TFRC: variants seen among roughly 807,000 people sequenced by gnomAD.
TFRC encodes the protein transferrin receptor protein 1.
A neutral mutation model predicts 85.8 loss-of-function variants in TFRC; 35 were observed. The ratio of observed to expected loss-of-function variants is 0.41; its 90% CI spans 0.31 to 0.54. The LOEUF (loss-of-function observed/expected upper bound fraction) is 0.54, where lower values mean the gene tolerates loss of function less well. Among genes scored for constraint, TFRC ranks in the 20% least tolerant of loss-of-function variants. The probability of loss-of-function intolerance (pLI) is 0.31; values close to 1 mark genes in which losing one functional copy is unlikely to be tolerated. For missense variants in TFRC, 828 were observed against 921.5 expected (o/e 0.90, Z 1.31); for synonymous variants, 362 against 328.6 (o/e 1.10, Z -1.10).
rs199951786 is a variant in TFRC, at chr3:196,062,644, C to T, written c.1406G>A (p.Gly469Glu). 1.2e-4 allele frequency: 188 copies of T among 1,605,390 alleles called. No individual in the cohort carries two copies. The highest frequency in any genetic ancestry group is 1.6e-4 in the Non-Finnish European group (187 of 1,177,578). The part of the protein sequence containing the change: ...GSVGATEWLE[G>E]YLSSLHLKAF... ...CTTTAAATGCAGGGACGAAAGGTAT[C>T]CCTAGAAGAGAAGGGAAAACACTAA... Residue 469 changes from glycine to glutamate, a missense_variant and splice_region_variant, in exon 13 of 19, where the codon GGA (glycine) becomes GAA (glutamate). By Grantham distance (98) the Gly-to-Glu change is moderately conservative. Transcript: ENST00000360110.
At chr3:196,062,812 C>T in intron 12 of TFRC, 42 bp downstream of exon 12, 1 of 1,604,756 alleles carries the variant, frequency 6.2e-7, no homozygotes, top group Non-Finnish European at 8.5e-7. Flanking sequence ...AGCCTAAGCC[C>T]ACAAGCTCGT....
intron 14 of TFRC, among the ~76,000 whole-genome samples, chr3:196,059,110 T>C (rs937484039): frequency 2.6e-5 from 4 of 152,044 alleles, no homozygotes; most frequent in African/African-American, 9.7e-5. Context: ...GGTCAAGGGA[T>C]TGAGACCATC....
In TFRC at chr3:196,071,646, G is replaced by C. The variant is rs187597681; in HGVS notation, c.585-148C>G. The C allele has an allele frequency of 1.5e-3, 1,256 of 857,300 alleles. 3 individuals are homozygous for C. Among genetic ancestry groups the C allele is most frequent in the Middle Eastern group, 7.3e-3 (24 of 3,284 alleles). 53.1% of individuals were successfully genotyped at this position (857,300 alleles called of 1,614,324 possible). On this transcript the variant is annotated intron_variant, in intron 5 of 18. Transcript: ENST00000360110. ...TTTTTATTTTAAAAGCCTTTGGGCC[G>C]CATGCGGTGGCTCACGCCTGTAATC...
Position 196,062,217 on chromosome 3 carries a change from C to CA in TFRC, c.1468+364dup, listed in dbSNP as rs150142146. On this transcript the variant is annotated intron_variant, in intron 13 of 18. Transcript: ENST00000360110. ...TGGGCAATACAGTGAGACCCTGTCT[C>CA]AAAAAAAAAAAAAAGCTTTCTTCCA... is the stretch of plus-strand genomic sequence containing the variant. Among the ~76,000 whole-genome samples the CA allele has an allele frequency of 3.2e-3, 431 of 135,464 alleles. 2 individuals are homozygous for CA. The highest frequency in any genetic ancestry group is 9.7e-3 in the African/African-American group (347 of 35,688). The allele number at this position is 135,464 out of a possible 152,430, so 88.9% of individuals were successfully genotyped here. A position where few individuals can be genotyped will look rare whatever the true frequency, so the allele number is the denominator to read the frequency against.
Position 196,051,154 on chromosome 3 carries a change from A to T in TFRC, c.*788T>A, listed in dbSNP as rs957405837. ...GCAGCATATTATTCTTTAAAGTCTG[A>T]CAAACTGAGTCTGCAACTAAACACC... is the stretch of plus-strand genomic sequence containing the variant. On this transcript the variant is annotated 3_prime_UTR_variant, in exon 19 of 19. Transcript: ENST00000360110. 4.6e-6 allele frequency: 1 copy of T among 216,166 alleles called. No homozygotes were observed. Among genetic ancestry groups the T allele is most frequent in the Non-Finnish European group, 9.3e-6 (1 of 107,134 alleles). The allele number at this position is 216,166 out of a possible 1,614,324, so 13.4% of individuals were successfully genotyped here.
intron 10 of TFRC, among the ~76,000 whole-genome samples, chr3:196,064,988 T>A (rs1014181526): frequency 5.3e-5 from 8 of 152,220 alleles, no homozygotes; most frequent in African/African-American, 1.9e-4. Flanking sequence ...CTGGGCGCGG[T>A]GGCTCATGCC....
At chr3:196,075,061 A>G (rs947563162) in intron 3 of TFRC, 98 bp downstream of exon 3, 8 of 707,210 alleles carry the variant, frequency 1.1e-5, no homozygotes, top group Non-Finnish European at 1.7e-5. Flanking sequence ...AAAAAAAAAA[A>G]AAAAATAAGG....
intron 1 of TFRC, among the ~76,000 whole-genome samples, chr3:196,078,752 T>C (rs1718916060): frequency 6.6e-6 from 1 of 152,072 alleles, no homozygotes; most frequent in Non-Finnish European, 1.5e-5. Context: ...CCATATGCAA[T>C]AGACCATATT....
chr3:196,067,949 A>G, intron 8 of TFRC, 83 bp downstream of exon 8: 1 of 1,130,576 alleles, frequency 8.8e-7, no homozygotes, highest in Non-Finnish European at 1.3e-6. Context: ...GTTAAGGAAG[A>G]CACAGTGCTA....
At chr3:196,056,966 C>T (rs1451406239) in intron 16 of TFRC, among the ~76,000 whole-genome samples, 1 of 152,158 alleles carries the variant, frequency 6.6e-6, no homozygotes, top group African/African-American at 2.4e-5. Flanking sequence ...GGGTTACAGG[C>T]ACACGCCACT....
intron 13 of TFRC, 115 bp from the exon 14 acceptor site, chr3:196,060,362 G>C (rs912472530): frequency 3.1e-5 from 26 of 842,678 alleles, no homozygotes; most frequent in Non-Finnish European, 4.0e-5. Flanking sequence ...CAGTGGCCCT[G>C]TGCAACAACT....
At chr3:196,059,171 AG>A (rs1200937067) in intron 14 of TFRC, among the ~76,000 whole-genome samples, 1 of 152,048 alleles carries the variant, frequency 6.6e-6, no homozygotes, top group African/African-American at 2.4e-5. Context: ...AAAATTAGCC[AG>A]GTGTGGTGGT....
At chr3:196,059,618 T>TTTA (rs1560072150) in intron 14 of TFRC, among the ~76,000 whole-genome samples, 9 of 151,668 alleles carry the variant, frequency 5.9e-5, no homozygotes, top group Non-Finnish European at 1.2e-4. Flanking sequence ...TTATTTATTT[T>TTTA]TTTTTTAATT....
At chr3:196,053,011 G>C (rs1203458507) in intron 18 of TFRC, among the ~76,000 whole-genome samples, 2 of 152,142 alleles carry the variant, frequency 1.3e-5, no homozygotes, top group East Asian at 3.9e-4. Context: ...CAACTCGGGA[G>C]GCTAAGGCAG....
At chr3:196,062,377 C>CA in intron 13 of TFRC, 2 of 532,868 alleles carry the variant, frequency 3.8e-6, no homozygotes, top group East Asian at 3.4e-5. Flanking sequence ...ACTAAAAATA[C>CA]AAAAAATTAG....
At chr3:196,069,365 G>A (rs1257574089) in intron 7 of TFRC, 90 bp downstream of exon 7, 2 of 766,212 alleles carry the variant, frequency 2.6e-6, no homozygotes, top group Non-Finnish European at 4.3e-6. Context: ...CTGATTTTCA[G>A]AATGTAAGAA....
intron 4 of TFRC, among the ~76,000 whole-genome samples, chr3:196,073,050 A>AACAAACAAAC (rs772958608): frequency 0.023 from 2,823 of 124,200 alleles, 73 homozygotes; most frequent in African/African-American, 0.048. Context: ...AAAAAAAAAA[A>AACAAACAAAC]AAAAAAAAAA....
intron 14 of TFRC, 126 bp downstream of exon 14, chr3:196,060,054 G>T (rs1168104946): frequency 4.4e-6 from 3 of 687,848 alleles, no homozygotes; most frequent in African/African-American, 1.8e-5. Flanking sequence ...AAATAACGCT[G>T]CTATAAAATT....
At chr3:196,061,679 G>A (rs950842740) in intron 13 of TFRC, among the ~76,000 whole-genome samples, 25 of 152,002 alleles carry the variant, frequency 1.6e-4, no homozygotes, top group Non-Finnish European at 1.3e-4. Context: ...TAGTAGAGAC[G>A]GGGTTTCACC....
Sources: allele counts gnomAD v4.1 joint callset (sites outside exome capture counted in the v4.1 genomes callset), GRCh38; gene constraint gnomAD v4.1.1; transcripts MANE v1.5; gene names NCBI Gene and HGNC (gene_info 2026-07-23, HGNC 2026-07-21).